Variants in MPDU1 observed in about 807,000 individuals in gnomAD.
MPDU1 encodes mannose-P-dolichol utilization defect 1.
A neutral mutation model predicts 27.6 loss-of-function variants in MPDU1; 18 were observed. The ratio of observed to expected loss-of-function variants is 0.65; its 90% CI spans 0.45 to 0.97. MPDU1 has a LOEUF of 0.97. Among genes scored for constraint, MPDU1 ranks in the 50% least tolerant of loss-of-function variants. The probability of loss-of-function intolerance (pLI) is 0.00; values close to 1 mark genes in which losing one functional copy is unlikely to be tolerated. For synonymous variants in MPDU1, 142 were observed against 131.1 expected (o/e 1.08, Z -0.57); for missense variants, 279 against 297.4 (o/e 0.94, Z 0.46).
intron 3 of MPDU1, 105 bp downstream of exon 3, chr17:7,586,183 C>T: frequency 7.1e-7 from 1 of 1,405,028 alleles, no homozygotes. Flanking sequence ...CAGTGGCTTG[C>T]ACCTGTAACC....
At chr17:7,584,156 G>A in intron 1 of MPDU1, 191 bp downstream of exon 1, 2 of 649,646 alleles carry the variant, frequency 3.1e-6, no homozygotes, top group Non-Finnish European at 2.8e-6. Context: ...CAGTGGGGAA[G>A]TCACCGGGTG....
chr17:7,584,330 C>T (rs1390828456), intron 1 of MPDU1: 1 of 500,762 alleles, frequency 2.0e-6, no homozygotes, highest in Non-Finnish European at 3.6e-6. Flanking sequence ...CTTCATTGCA[C>T]CCCCAAAGGC....
At chr17:7,585,425 T>C (rs1215098200) in intron 1 of MPDU1, among the ~76,000 whole-genome samples, 15 of 151,780 alleles carry the variant, frequency 9.9e-5, no homozygotes, top group Admixed American at 9.9e-4. Flanking sequence ...TAATTCTAGC[T>C]ACTTGGGAGG....
upstream of MPDU1, chr17:7,583,822 A>G: frequency 6.2e-7 from 1 of 1,602,162 alleles, no homozygotes; most frequent in South Asian, 1.1e-5. Context: ...AACGAAAGTC[A>G]ATGGCGGTCT....
At position 7,583,856 on chromosome 17, in the gene MPDU1, T is replaced by C. The variant is rs918177565; in HGVS notation, c.-7T>C. On this transcript the variant is annotated 5_prime_UTR_variant, in exon 1 of 7. Coordinates refer to ENST00000250124, the MANE Select transcript of MPDU1 (RefSeq NM_004870.4). ...CTGGAGAGACTGGCGGAAGCTAGCTTTGCAATATGGCGGCCGAGGCGGACG... is the reference window on the plus strand; with the variant it reads ...CTGGAGAGACTGGCGGAAGCTAGCTCTGCAATATGGCGGCCGAGGCGGACG... 1.9e-6 allele frequency: 3 copies of C among 1,614,016 alleles called. No homozygotes were observed. Among genetic ancestry groups the C allele is most frequent in the African/African-American group, 2.7e-5 (2 of 74,952 alleles).
chr17:7,588,093 A>T lies in MPDU1; in HGVS notation c.*542A>T. The T allele has an allele frequency of 1.7e-6, 1 of 582,234 alleles. No homozygotes were observed. The highest frequency in any genetic ancestry group is 3.2e-6 in the Non-Finnish European group (1 of 309,660). The allele number at this position is 582,234 out of a possible 1,614,324, so 36.1% of individuals were successfully genotyped here. A position where few individuals can be genotyped will look rare whatever the true frequency, so the allele number is the denominator to read the frequency against. On this transcript the variant is annotated 3_prime_UTR_variant, in exon 7 of 7. Coordinates refer to ENST00000250124, the MANE Select transcript of MPDU1 (RefSeq NM_004870.4). ...GGGGTGAGGAGGTTCCTGCTCTGGC[A>T]GGTCTAGGCGGAAGGGAGTGGAGAT...
rs971422807 is a variant in MPDU1 at position 7,587,996 on chromosome 17, G to A, written c.*445G>A. 2 of 483,168 alleles carry A rather than the reference G, an allele frequency of 4.1e-6. No individual in the cohort carries two copies. Among genetic ancestry groups the A allele is most frequent in the Non-Finnish European group, 8.1e-6 (2 of 246,448 alleles). The allele number at this position is 483,168 out of a possible 1,614,324, so 29.9% of individuals were successfully genotyped here. A position where few individuals can be genotyped will look rare whatever the true frequency, so the allele number is the denominator to read the frequency against. On this transcript the variant is annotated 3_prime_UTR_variant, in exon 7 of 7. Coordinates refer to ENST00000250124, the MANE Select transcript of MPDU1 (RefSeq NM_004870.4). The stretch of plus-strand genomic sequence containing the variant: ...TGCCTCCCTCCCTCAGCCCGGCTGG[G>A]ACTGTCTCCCGGACCCCAGTGCTGG...
intron 1 of MPDU1, 180 bp from the exon 2 acceptor site, chr17:7,585,552 G>C (rs1291141792): frequency 3.4e-6 from 2 of 596,196 alleles, no homozygotes; most frequent in Non-Finnish European, 5.9e-6. Context: ...AAAAAAAAAA[G>C]TGTGGTGGTT....
chr17:7,583,755 G>A (rs766385750), upstream of MPDU1: 44 of 1,154,372 alleles, frequency 3.8e-5, no homozygotes, highest in African/African-American at 1.1e-4. Flanking sequence ...GCACGGGGCG[G>A]GCCAGCTTCG....
chr17:7,588,000 G>A lies in MPDU1; in HGVS notation c.*449G>A. Reference sequence around the variant, plus strand: ...TCCCTCCCTCAGCCCGGCTGGGACTGTCTCCCGGACCCCAGTGCTGGGGTG... The same window carrying A: ...TCCCTCCCTCAGCCCGGCTGGGACTATCTCCCGGACCCCAGTGCTGGGGTG... On this transcript the variant is annotated 3_prime_UTR_variant, in exon 7 of 7. Coordinates refer to ENST00000250124, the MANE Select transcript of MPDU1 (RefSeq NM_004870.4). 2.1e-6 allele frequency: 1 copy of A among 484,124 alleles called. No homozygotes were observed. Among genetic ancestry groups the A allele is most frequent in the South Asian group, 1.5e-5 (1 of 64,726 alleles). 30.0% of individuals were successfully genotyped at this position (484,124 alleles called of 1,614,324 possible).
rs138117224 is a variant in MPDU1 at position 7,587,521 on chromosome 17, G to T, written c.714G>T (p.Lys238Asn). 1.9e-6 allele frequency: 3 copies of T among 1,613,554 alleles called. No homozygotes were observed. Among genetic ancestry groups the T allele is most frequent in the Non-Finnish European group, 2.5e-6 (3 of 1,179,962 alleles). Residue 238 changes from lysine (K) to asparagine (N), a missense_variant, in exon 7 of 7, where the codon AAG (lysine) becomes AAT (asparagine). Transcript: ENST00000250124. ...AGCTGCTCTTCTACTGGAATGCAAAGCCTCCCCACAAGCAGAAAAAGGCGC... is the reference window on the plus strand; with the variant it reads ...AGCTGCTCTTCTACTGGAATGCAAATCCTCCCCACAAGCAGAAAAAGGCGC... ...AAQLLFYWNA[K>N]PPHKQKKAQ
chr17:7,585,920 T>C, intron 2 of MPDU1, 26 bp from the exon 3 acceptor site: 1 of 1,614,150 alleles, frequency 6.2e-7, no homozygotes. Flanking sequence ...GAGTCCTCAG[T>C]CCTACTTTTC....
At chr17:7,584,046 T>G in intron 1 of MPDU1, 81 bp downstream of exon 1, 1 of 1,332,680 alleles carries the variant, frequency 7.5e-7, no homozygotes, top group Admixed American at 1.7e-5. Context: ...GGCGACTAAG[T>G]GACGGCAGTG....
chr17:7,586,358 G>A, intron 3 of MPDU1: 1 of 503,314 alleles, frequency 2.0e-6, no homozygotes, highest in Non-Finnish European at 3.6e-6. Flanking sequence ...AGAATCACTT[G>A]AACCTGGGAG....
intron 1 of MPDU1, 75 bp from the exon 2 acceptor site, chr17:7,585,657 G>A: frequency 6.9e-7 from 1 of 1,452,362 alleles, no homozygotes; most frequent in Non-Finnish European, 9.7e-7. Flanking sequence ...GGCTCGGGGA[G>A]AGCCCACAGG....
chr17:7,585,981 A>C lies in MPDU1; in HGVS notation c.205A>C (p.Lys69Gln), dbSNP rs1357047982. 16 of 1,614,058 alleles carry C rather than the reference A, an allele frequency of 9.9e-6. No individual in the cohort carries two copies. Among genetic ancestry groups the C allele is most frequent in the Non-Finnish European group, 1.4e-5 (16 of 1,180,040 alleles). The change falls in exon 3 of 7, where the codon AAG (lysine) becomes CAG (glutamine). Residue 69 changes from lysine (K) to glutamine (Q), a missense_variant. By Grantham distance (53) the Lys-to-Gln change is moderately conservative. Coordinates refer to ENST00000250124, the MANE Select transcript of MPDU1 (RefSeq NM_004870.4). ...LPQVFKILGA[K>Q]SAEGLSLQSV... is the part of the protein sequence containing the mutation. ...CCAGGTGTTTAAAATCCTGGGAGCCAAGAGTGCTGAAGGGTTGAGTCTCCA... is the reference window on the plus strand; with the variant it reads ...CCAGGTGTTTAAAATCCTGGGAGCCCAGAGTGCTGAAGGGTTGAGTCTCCA...
chr17:7,584,291 C>T (rs2071544681), intron 1 of MPDU1: 1 of 569,204 alleles, frequency 1.8e-6, no homozygotes, highest in Non-Finnish European at 3.1e-6. Flanking sequence ...CAGGGTTAAA[C>T]TTAATTCAAA....
chr17:7,584,041 CTAAG>C, intron 1 of MPDU1, 76 bp downstream of exon 1: 1 of 1,430,280 alleles, frequency 7.0e-7, no homozygotes, highest in Non-Finnish European at 9.8e-7. Flanking sequence ...TGATCGGCGA[CTAAG>C]TGACGGCAGT....
chr17:7,583,736 A>C (rs768241674), upstream of MPDU1: 3 of 975,674 alleles, frequency 3.1e-6, no homozygotes, highest in Non-Finnish European at 1.6e-6. Context: ...TAGCGTCAGA[A>C]AGAGCGGGGC....
Sources: gnomAD v4.1 joint callset for allele counts (sites outside exome capture counted in the v4.1 genomes callset) on GRCh38, gnomAD v4.1.1 for gene constraint, MANE v1.5 for transcripts, NCBI Gene and HGNC (gene_info 2026-07-23, HGNC 2026-07-21) for gene names.